Variants in NLGN4X observed in about 807,000 individuals in gnomAD.
NLGN4X encodes the protein neuroligin 4 X-linked, also known as neuroligin-4, X-linked.
Under a neutral mutation model 40.3 loss-of-function variants are expected in NLGN4X, and 3 were observed. That is an observed-to-expected ratio of 0.07 (90% CI 0.03 to 0.19). NLGN4X has a LOEUF of 0.19. NLGN4X is among the 10% of genes least tolerant of loss of function. NLGN4X has a pLI of 1.00. For synonymous variants in NLGN4X, 270 were observed against 306.8 expected (o/e 0.88, Z 1.25); for missense variants, 382 against 708.3 (o/e 0.54, Z 5.23).
chrX:6,016,510 T>C (rs756702797), intron 3 of NLGN4X, among the ~76,000 whole-genome samples: 1 of 112,339 alleles, frequency 8.9e-6, no homozygotes, highest in South Asian at 3.7e-4. Flanking sequence ...CTTTTGTGCA[T>C]TGATGGTGAA....
chrX:6,089,775 T>C (rs2038592487), intron 2 of NLGN4X, among the ~76,000 whole-genome samples: 3 of 111,782 alleles, frequency 2.7e-5, no homozygotes, highest in Non-Finnish European at 3.8e-5. Context: ...TAGACCAGCA[T>C]AGAAAAGTTG....
intron 2 of NLGN4X, among the ~76,000 whole-genome samples, chrX:6,132,485 C>T (rs2039702158): frequency 9.0e-6 from 1 of 111,527 alleles, no homozygotes; most frequent in African/African-American, 3.3e-5. Flanking sequence ...TCAGCAGCAT[C>T]TCTGGTCACC....
At chrX:5,984,080 GAGAA>G (rs2035463306) in intron 3 of NLGN4X, among the ~76,000 whole-genome samples, 1 of 110,855 alleles carries the variant, frequency 9.0e-6, no homozygotes, top group African/African-American at 3.3e-5. Context: ...AAGCAAAAAA[GAGAA>G]AGAAACAAAA....
intron 3 of NLGN4X, among the ~76,000 whole-genome samples, chrX:5,970,488 T>A (rs1385378638): frequency 8.9e-6 from 1 of 112,224 alleles, no homozygotes; most frequent in African/African-American, 3.2e-5. Context: ...CCATTACCAA[T>A]CTGAATTTTT....
chrX:6,031,214 G>T (rs2036849250), intron 2 of NLGN4X, among the ~76,000 whole-genome samples: 1 of 111,955 alleles, frequency 8.9e-6, no homozygotes, highest in African/African-American at 3.2e-5. Flanking sequence ...AAAAGAGAAG[G>T]CCAAACAGGA....
chrX:5,963,814 T>A (rs768602296), intron 3 of NLGN4X, among the ~76,000 whole-genome samples: 3 of 112,459 alleles, frequency 2.7e-5, no homozygotes, highest in Non-Finnish European at 5.6e-5. Context: ...TAAGCCTAAT[T>A]TGTAAAGTTC....
rs753684791 is a variant in NLGN4X at position 6,077,985 on chromosome X, A to C, written c.473-48553T>G. ...AGAAAGCTTGGTTTCTTGTAGTGTT[A>C]CCTGAACTCCTACCACTAAGTTTAT... On this transcript the variant is annotated intron_variant, in intron 2 of 5. Coordinates refer to ENST00000381095, the MANE Select transcript of NLGN4X (RefSeq NM_181332.3). 1.1e-4 allele frequency among the ~76,000 whole-genome samples: 12 copies of C among 111,848 alleles called. No homozygotes were observed. The South Asian group carries it at 2.3e-3, about 21-fold the overall frequency.
At chrX:6,005,596 C>G (rs1652366709) in intron 3 of NLGN4X, among the ~76,000 whole-genome samples, 1 of 111,336 alleles carries the variant, frequency 9.0e-6, no homozygotes, top group Non-Finnish European at 1.9e-5. Context: ...TCTCTCTCAT[C>G]TTCTCCCACT....
intron 3 of NLGN4X, among the ~76,000 whole-genome samples, chrX:5,911,675 T>C (rs1274941070): frequency 5.4e-5 from 6 of 112,097 alleles, no homozygotes; most frequent in African/African-American, 1.6e-4. Context: ...GGAGTGCCTG[T>C]TTCAGGTACA....
At chrX:5,906,984 G>A (rs932937688) in intron 4 of NLGN4X, among the ~76,000 whole-genome samples, 1 of 110,424 alleles carries the variant, frequency 9.1e-6, no homozygotes, top group Non-Finnish European at 1.9e-5. Flanking sequence ...GGAGGCTGAG[G>A]CAGGAGAATC....
chrX:5,956,498 T>C (rs1339662999), intron 3 of NLGN4X, among the ~76,000 whole-genome samples: 1 of 111,683 alleles, frequency 9.0e-6, no homozygotes, highest in Non-Finnish European at 1.9e-5. Flanking sequence ...GTATTGCTGG[T>C]TGAAACTGTG....
chrX:6,204,289 T>A (rs1923856737), intron 1 of NLGN4X, among the ~76,000 whole-genome samples: 1 of 112,026 alleles, frequency 8.9e-6, no homozygotes, highest in Non-Finnish European at 1.9e-5. Context: ...GTTGCTGTAG[T>A]GTTTTGAATG....
At chrX:5,905,722 C>T (rs2032135751) in intron 4 of NLGN4X, among the ~76,000 whole-genome samples, 1 of 112,416 alleles carries the variant, frequency 8.9e-6, no homozygotes, top group African/African-American at 3.2e-5. Context: ...CTCTGCTACC[C>T]AGGCTGGAGT....
At chrX:5,950,138 G>A (rs2034260461) in intron 3 of NLGN4X, among the ~76,000 whole-genome samples, 1 of 111,679 alleles carries the variant, frequency 9.0e-6, no homozygotes, top group African/African-American at 3.3e-5. Context: ...AGGAGTAAGT[G>A]AGAGACAATG....
intron 2 of NLGN4X, among the ~76,000 whole-genome samples, chrX:6,141,452 A>G (rs1480687812): frequency 8.9e-6 from 1 of 112,220 alleles, no homozygotes; most frequent in African/African-American, 3.2e-5. Flanking sequence ...CACAATAATT[A>G]TAAAACAAAT....
chrX:6,185,760 A>G (rs1921956789), intron 1 of NLGN4X, among the ~76,000 whole-genome samples: 1 of 112,220 alleles, frequency 8.9e-6, no homozygotes, highest in Admixed American at 9.5e-5. Flanking sequence ...TGTTTCTCCA[A>G]GATCAATCTG....
At chrX:6,088,386 T>A (rs1209887841) in intron 2 of NLGN4X, among the ~76,000 whole-genome samples, 1 of 111,798 alleles carries the variant, frequency 8.9e-6, no homozygotes, top group Non-Finnish European at 1.9e-5. Context: ...CAGTTTTCTA[T>A]CCTGGGAAAC....
intron 2 of NLGN4X, among the ~76,000 whole-genome samples, chrX:6,082,372 C>A (rs777445525): frequency 1.0e-5 from 1 of 98,653 alleles, no homozygotes. Context: ...TGTGTCTCCA[C>A]AAAAAAAAAA....
At chrX:5,967,183 T>C (rs147334921) in intron 3 of NLGN4X, among the ~76,000 whole-genome samples, 7,527 of 111,440 alleles carry the variant, frequency 0.068, 634 homozygotes, top group African/African-American at 0.23. Flanking sequence ...TTGGATGCAA[T>C]GTAGGTCTCA....
Sources: allele counts gnomAD v4.1 joint callset (sites outside exome capture counted in the v4.1 genomes callset), GRCh38; gene constraint gnomAD v4.1.1; transcripts MANE v1.5; gene names NCBI Gene and HGNC (gene_info 2026-07-23, HGNC 2026-07-21).